The following VIRMA variants were observed in gnomAD, a reference collection of about 807,000 sequenced individuals.
VIRMA encodes protein virilizer homolog.
Under a neutral mutation model 182.4 loss-of-function variants are expected in VIRMA, and 65 were observed. The ratio of observed to expected loss-of-function variants is 0.36; its 90% CI spans 0.29 to 0.44. The LOEUF (loss-of-function observed/expected upper bound fraction) is 0.44, where lower values mean the gene tolerates loss of function less well. Among genes scored for constraint, VIRMA ranks in the 20% least tolerant of loss-of-function variants. The pLI is 1.00. For missense variants in VIRMA, 1,752 were observed against 2,158.1 expected (o/e 0.81, Z 3.73); for synonymous variants, 709 against 743.1 (o/e 0.95, Z 0.75).
At chr8:94,499,529 G>T in intron 16 of VIRMA, 23 bp from the exon 17 acceptor site, 1 of 1,380,804 alleles carries the variant, frequency 7.2e-7, no homozygotes, top group Non-Finnish European at 1.0e-6. Context: ...AAAATAAAGA[G>T]AAGATATTAT....
At chr8:94,538,667 G>A (rs1815428021) in intron 2 of VIRMA, among the ~76,000 whole-genome samples, 1 of 152,096 alleles carries the variant, frequency 6.6e-6, no homozygotes, top group South Asian at 2.1e-4. Flanking sequence ...GGAGTGCAAT[G>A]GCAGGCATGA....
intron 5 of VIRMA, chr8:94,533,633 T>TTTG (rs1554558910): frequency 6.9e-6 from 1 of 144,072 alleles, no homozygotes; most frequent in African/African-American, 2.5e-5. Context: ...TTTTTTTTTT[T>TTTG]GGGAGGGGCA....
intron 17 of VIRMA, chr8:94,497,962 T>G (rs1373064630): frequency 6.6e-6 from 1 of 152,310 alleles, no homozygotes; most frequent in Admixed American, 6.6e-5. Flanking sequence ...CAGTGAGCCA[T>G]GATCACACCA....
rs1813646771 is a variant in VIRMA at position 94,492,779 on chromosome 8, T to C, written c.4681A>G (p.Ser1561Gly). 6.2e-7 allele frequency: 1 copy of C among 1,613,896 alleles called. No individual in the cohort carries two copies. The highest frequency in any genetic ancestry group is 8.5e-7 in the Non-Finnish European group (1 of 1,179,868). The change falls in exon 21 of 24, where the codon AGT becomes GGT. Residue 1561 changes from serine to glycine, a missense_variant. Transcript: ENST00000297591. ...DLIELSEKCCSDFDLHSELER... is the reference protein window; with the variant it reads ...DLIELSEKCCGDFDLHSELER... ...AATTCTGAGTGCAAATCAAAGTCAC[T>C]ACAGCATTTTTCAGAGAGTTCAATT...
At chr8:94,520,560 T>C (rs924342496) in intron 8 of VIRMA, among the ~76,000 whole-genome samples, 1 of 152,208 alleles carries the variant, frequency 6.6e-6, no homozygotes, top group Non-Finnish European at 1.5e-5. Context: ...TTTTCTTACA[T>C]CATTCCCTAC....
chr8:94,539,690 T>G (rs928102006), intron 2 of VIRMA, among the ~76,000 whole-genome samples: 27 of 152,168 alleles, frequency 1.8e-4, no homozygotes, highest in Admixed American at 7.9e-4. Flanking sequence ...AATGTTCACA[T>G]CAAGCCACCG....
intron 22 of VIRMA, among the ~76,000 whole-genome samples, chr8:94,491,122 T>C (rs80153035): frequency 0.059 from 8,105 of 136,648 alleles, 465 homozygotes; most frequent in East Asian, 0.14. Flanking sequence ...GAGACTAGCC[T>C]GGCAAACACG....
intron 8 of VIRMA, among the ~76,000 whole-genome samples, chr8:94,525,450 T>C (rs564684534): frequency 1.3e-5 from 2 of 152,366 alleles, no homozygotes; most frequent in Non-Finnish European, 2.9e-5. Flanking sequence ...GTTATCCTTT[T>C]AGGAAACTCA....
rs780944867 is a variant in VIRMA, at chr8:94,490,056, T to C, written c.5167A>G (p.Arg1723Gly). 6.2e-7 allele frequency: 1 copy of C among 1,613,302 alleles called. No individual in the cohort carries two copies. The highest frequency in any genetic ancestry group is 2.2e-5 in the East Asian group (1 of 44,882). Residue 1723 changes from arginine to glycine, a missense_variant, in exon 23 of 24, where the codon AGA (arginine) becomes GGA (glycine). By Grantham distance (125) the Arg-to-Gly change is moderately radical. Around this residue, in one of 11 missense-constraint regions of VIRMA, gnomAD observed 132 missense variants for 173.8 expected, o/e 0.76. Coordinates refer to ENST00000297591, the MANE Select transcript of VIRMA (RefSeq NM_015496.5). ...KGNYSRREGTRGSSWSAQNTP... is the reference protein window; with the variant it reads ...KGNYSRREGTGGSSWSAQNTP... ...TTCTGAGCACTCCAACTGGAGCCTC[T>C]TGTTCCTTCCCGACGACTGTAGTTT...
At chr8:94,521,888 G>A (rs761222608) in intron 8 of VIRMA, among the ~76,000 whole-genome samples, 27 of 152,320 alleles carry the variant, frequency 1.8e-4, no homozygotes, top group Non-Finnish European at 3.8e-4. Context: ...TCAGAGAATG[G>A]TTAAAATAGC....
chr8:94,520,902 T>C (rs573235249), intron 8 of VIRMA, among the ~76,000 whole-genome samples: 5 of 152,272 alleles, frequency 3.3e-5, no homozygotes, highest in South Asian at 2.1e-4. Context: ...TTACCACACA[T>C]AGCACTCTTT....
intron 16 of VIRMA, among the ~76,000 whole-genome samples, chr8:94,500,531 T>A (rs923185159): frequency 1.1e-4 from 16 of 152,174 alleles, no homozygotes; most frequent in African/African-American, 3.9e-4. Context: ...CCTATTAGAA[T>A]GCCTAACATT....
In VIRMA at chr8:94,496,033, T is replaced by C. The variant is rs2289457; in HGVS notation, c.4384-142A>G. 1,814 of 716,732 alleles carry C rather than the reference T, an allele frequency of 2.5e-3. 50 individuals carry two copies. In the East Asian group the frequency reaches 0.049, roughly 19 times the overall value. The allele number at this position is 716,732 out of a possible 1,614,324, so 44.4% of individuals were successfully genotyped here. ...CCAGAAATTATTAACATTAAACACA[T>C]TAAAATAAAACAAACACCAAAACAC... is the stretch of plus-strand genomic sequence containing the variant. On this transcript the variant is annotated intron_variant, in intron 18 of 23. Transcript: ENST00000297591.
Position 94,519,463 on chromosome 8 carries a change from G to T in VIRMA, c.2035C>A (p.His679Asn). Reference sequence around the variant, plus strand: ...AAGGTAACCAACTCCAAGAAGTGATGACTGTGAAGATATCTGTGGAAGAGT... The same window carrying T: ...AAGGTAACCAACTCCAAGAAGTGATTACTGTGAAGATATCTGTGGAAGAGT... The part of the protein sequence containing the change: ...YPVLFRYLHS[H>N]HFLELVTLLL... The change falls in exon 9 of 24, where the codon CAT becomes AAT. Residue 679 changes from histidine (H) to asparagine (N), a missense_variant. By Grantham distance (68) the His-to-Asn change is moderately conservative. Coordinates refer to ENST00000297591, the MANE Select transcript of VIRMA (RefSeq NM_015496.5). The T allele has an allele frequency of 6.6e-7, 1 of 1,523,394 alleles. No individual in the cohort carries two copies. The highest frequency in any genetic ancestry group is 1.3e-5 in the South Asian group (1 of 74,478). The allele number at this position is 1,523,394 out of a possible 1,614,324, so 94.4% of individuals were successfully genotyped here. A position where few individuals can be genotyped will look rare whatever the true frequency, so the allele number is the denominator to read the frequency against.
Position 94,519,193 on chromosome 8 carries a change from G to A in VIRMA, c.2305C>T (p.Gln769Ter), listed in dbSNP as rs1445829319. The A allele has an allele frequency of 6.2e-7, 1 of 1,613,974 alleles. No homozygotes were observed. Among genetic ancestry groups the A allele is most frequent in the Non-Finnish European group, 8.5e-7 (1 of 1,179,970 alleles). ...TGGCTGAACAGTTCTGTAATACATT[G>A]CAATGTCTGTGTTGAGTCCTGTAGC... ...LWLQDSTQTL[Q>*]CITELFSHFQ... Residue 769 changes from glutamine (Q) to a stop codon, truncating the protein, a stop_gained, in exon 9 of 24, where the codon CAA becomes TAA. Transcript: ENST00000297591. LOFTEE classifies it high-confidence loss of function.
chr8:94,525,867 G>C (rs999637218), intron 8 of VIRMA, among the ~76,000 whole-genome samples: 7 of 152,186 alleles, frequency 4.6e-5, no homozygotes. Flanking sequence ...AGTAAGTACA[G>C]ATGGGTTCAC....
chr8:94,537,647 A>G (rs568775964), intron 3 of VIRMA, among the ~76,000 whole-genome samples: 1 of 152,304 alleles, frequency 6.6e-6, no homozygotes, highest in Admixed American at 6.5e-5. Flanking sequence ...AGTGATGTCT[A>G]AGAAACTGTT....
At chr8:94,537,816 C>A (rs1432241621) in intron 3 of VIRMA, among the ~76,000 whole-genome samples, 5 of 151,418 alleles carry the variant, frequency 3.3e-5, no homozygotes, top group African/African-American at 4.9e-5. Context: ...CTAGCATGTA[C>A]TAAATAATCA....
chr8:94,546,879 C>G (rs1815787577), intron 1 of VIRMA: 1 of 455,322 alleles, frequency 2.2e-6, no homozygotes, highest in Admixed American at 2.4e-5. Context: ...AAGCCAAATT[C>G]CTAGGTCTTA....
Sources: gnomAD v4.1 joint callset for allele counts (sites outside exome capture counted in the v4.1 genomes callset) on GRCh38, gnomAD v4.1.1 for gene constraint, gnomAD v4.1.1 regional missense constraint, MANE v1.5 for transcripts, NCBI Gene and HGNC (gene_info 2026-07-23, HGNC 2026-07-21) for gene names.